The following CERS6 variants were observed in gnomAD, a reference collection of about 807,000 sequenced individuals.
CERS6 encodes the protein ceramide synthase 6.
CERS6 carries 26 observed loss-of-function variants against 56.8 expected under a neutral mutation model. The ratio of observed to expected loss-of-function variants is 0.46; its 90% CI spans 0.34 to 0.63. The LOEUF (loss-of-function observed/expected upper bound fraction) is 0.63. Among genes scored for constraint, CERS6 ranks in the 30% least tolerant of loss-of-function variants. The probability of loss-of-function intolerance (pLI) is 0.01; values close to 1 mark genes in which losing one functional copy is unlikely to be tolerated. For missense variants in CERS6, 415 were observed against 467.5 expected (o/e 0.89, Z 1.04); for synonymous variants, 164 against 173.3 (o/e 0.95, Z 0.42).
At chr2:168,746,533 C>T (rs1044560743) in intron 8 of CERS6, among the ~76,000 whole-genome samples, 1 of 151,574 alleles carries the variant, frequency 6.6e-6, no homozygotes, top group Non-Finnish European at 1.5e-5. Context: ...CTACTGATGT[C>T]TGGTATTTTT....
At chr2:168,754,319 T>C (rs1245419819) in intron 8 of CERS6, among the ~76,000 whole-genome samples, 3 of 152,200 alleles carry the variant, frequency 2.0e-5, no homozygotes, top group Non-Finnish European at 4.4e-5. Context: ...AAGGACATAA[T>C]GCAAGTGAGT....
chr2:168,653,347 AGAT>A (rs1553504157), intron 4 of CERS6, among the ~76,000 whole-genome samples: 2 of 152,194 alleles, frequency 1.3e-5, no homozygotes, highest in Non-Finnish European at 2.9e-5. Context: ...TTTTTCAACT[AGAT>A]GGCTCTGACA....
At position 168,456,312 on chromosome 2, in the gene CERS6, AGGCGGCGGCGGCGGGCGGGAGCAGC is replaced by A. The variant is rs954641447; in HGVS notation, c.-124_-100del. The A allele has an allele frequency of 1.6e-4, 55 of 347,252 alleles. 1 individual carries two copies. The highest frequency in any genetic ancestry group is 6.1e-4 in the East Asian group (6 of 9,832). 21.5% of individuals were successfully genotyped at this position (347,252 alleles called of 1,614,324 possible). On this transcript the variant is annotated 5_prime_UTR_variant, in exon 1 of 10. Transcript: ENST00000305747. This position sits in a 1 kb window ranked among gnomAD's most constrained non-coding sequence, Gnocchi z 4.1. ...CCTTCGAGAGCAGCGGCCGCGGAGGAGGCGGCGGCGGCGGGCGGGAGCAGCGGCGGCGGCGGCACAGGCTCGGGGC... is the reference window on the plus strand; with the variant it reads ...CCTTCGAGAGCAGCGGCCGCGGAGGAGGCGGCGGCGGCACAGGCTCGGGGC...
chr2:168,602,141 G>A (rs1008575672), intron 3 of CERS6, among the ~76,000 whole-genome samples: 12 of 152,160 alleles, frequency 7.9e-5, no homozygotes, highest in East Asian at 1.9e-4. Context: ...GATAGCAAGG[G>A]TATTGCACAA....
chr2:168,695,972 A>T (rs1208550004), intron 6 of CERS6, among the ~76,000 whole-genome samples: 1 of 152,198 alleles, frequency 6.6e-6, no homozygotes, highest in Non-Finnish European at 1.5e-5. Context: ...CAAAGTAAAT[A>T]AATGCTCATT....
chr2:168,552,663 G>A (rs993354495), intron 2 of CERS6, among the ~76,000 whole-genome samples: 1 of 152,150 alleles, frequency 6.6e-6, no homozygotes, highest in African/African-American at 2.4e-5. Flanking sequence ...AGGAACAGGT[G>A]AGCCAGGCTG....
intron 3 of CERS6, among the ~76,000 whole-genome samples, chr2:168,583,279 G>A (rs548673345): frequency 5.3e-5 from 8 of 152,200 alleles, no homozygotes; most frequent in South Asian, 2.1e-4. Context: ...TGATTGACGG[G>A]CATGTCCTTT....
At chr2:168,654,151 G>C (rs1390042644) in intron 4 of CERS6, among the ~76,000 whole-genome samples, 1 of 152,172 alleles carries the variant, frequency 6.6e-6, no homozygotes, top group Admixed American at 6.6e-5. Flanking sequence ...TAGGTAAAAT[G>C]ATTTAGATTT....
At chr2:168,571,339 A>G (rs185457866) in intron 3 of CERS6, among the ~76,000 whole-genome samples, 12 of 152,162 alleles carry the variant, frequency 7.9e-5, no homozygotes, top group Non-Finnish European at 1.5e-4. Context: ...GATTAAAAGA[A>G]TCTTCAACCA....
chr2:168,668,444 C>CTTTT (rs71397660), intron 4 of CERS6, among the ~76,000 whole-genome samples: 4 of 132,302 alleles, frequency 3.0e-5, no homozygotes, highest in African/African-American at 5.7e-5. Flanking sequence ...CCAACTCTAT[C>CTTTT]TTTTTTTTTT....
intron 1 of CERS6, among the ~76,000 whole-genome samples, chr2:168,458,035 G>C (rs1693706813): frequency 2.0e-5 from 3 of 152,158 alleles, no homozygotes. Flanking sequence ...CAGCAGTGCT[G>C]TGAAAAAATG....
chr2:168,522,399 A>C (rs968922858), intron 1 of CERS6, among the ~76,000 whole-genome samples: 4 of 152,166 alleles, frequency 2.6e-5, no homozygotes, highest in Non-Finnish European at 4.4e-5. Context: ...GAACATTAAA[A>C]ATTTTTTTCT....
chr2:168,599,180 A>G (rs1683874385), intron 3 of CERS6, among the ~76,000 whole-genome samples: 1 of 152,214 alleles, frequency 6.6e-6, no homozygotes, highest in South Asian at 2.1e-4. Flanking sequence ...CTTGCAGAGC[A>G]TGGGAAAATA....
intron 1 of CERS6, among the ~76,000 whole-genome samples, chr2:168,505,382 C>CAAAAAA (rs370477008): frequency 5.2e-5 from 5 of 96,368 alleles, no homozygotes; most frequent in Admixed American, 1.3e-4. Flanking sequence ...ACCCTGTTTC[C>CAAAAAA]AAAAAAAAAA....
At chr2:168,535,717 C>T (rs1312751380) in intron 1 of CERS6, among the ~76,000 whole-genome samples, 1 of 119,076 alleles carries the variant, frequency 8.4e-6, no homozygotes, top group Non-Finnish European at 1.7e-5. Context: ...TTTCATATGT[C>T]TATTGGTCAT....
chr2:168,611,350 A>G (rs972222641), intron 3 of CERS6, among the ~76,000 whole-genome samples: 7 of 152,190 alleles, frequency 4.6e-5, no homozygotes, highest in African/African-American at 1.7e-4. Flanking sequence ...CTGAGAGCCA[A>G]GTTTAACCAG....
At chr2:168,744,113 C>T (rs1010161021) in intron 8 of CERS6, among the ~76,000 whole-genome samples, 7 of 139,640 alleles carry the variant, frequency 5.0e-5, no homozygotes, top group African/African-American at 2.0e-4. Flanking sequence ...TCTCGCCATT[C>T]TCCTGCCTCA....
At chr2:168,574,103 C>T (rs541422333) in intron 3 of CERS6, among the ~76,000 whole-genome samples, 1 of 152,252 alleles carries the variant, frequency 6.6e-6, no homozygotes, top group African/African-American at 2.4e-5. Flanking sequence ...TCTACTGTTT[C>T]CTCTCCCATT....
intron 3 of CERS6, among the ~76,000 whole-genome samples, chr2:168,564,919 C>T (rs562564988): frequency 6.6e-5 from 10 of 152,340 alleles, no homozygotes; most frequent in African/African-American, 2.4e-4. Flanking sequence ...TTTCATTTCT[C>T]AACAGGACTC....
Sources: gnomAD v4.1 joint callset for allele counts (sites outside exome capture counted in the v4.1 genomes callset) on GRCh38, gnomAD v4.1.1 for gene constraint, Gnocchi (gnomAD v3.1) non-coding constraint, MANE v1.5 for transcripts, NCBI Gene and HGNC (gene_info 2026-07-23, HGNC 2026-07-21) for gene names.